ADARB2: variants seen among roughly 807,000 people sequenced by gnomAD.
ADARB2 encodes the protein inactive double-stranded RNA-specific editase B2.
A neutral mutation model predicts 62.2 loss-of-function variants in ADARB2; 25 were observed. The observed-to-expected ratio is 0.40, with a 90% CI of 0.29 to 0.56. The LOEUF is 0.56. Among genes scored for constraint, ADARB2 ranks in the 20% least tolerant of loss-of-function variants. The probability of loss-of-function intolerance (pLI) is 0.43; values close to 1 mark genes in which losing one functional copy is unlikely to be tolerated. For missense variants in ADARB2, 1,071 were observed against 1,077.4 expected, an observed-to-expected ratio of 0.99 and a Z score of 0.08; for synonymous variants, 572 against 500.8, an observed-to-expected ratio of 1.14 and a Z score of -1.90.
chr10:1,680,969 G>T (rs1834528153), intron 1 of ADARB2, among the ~76,000 whole-genome samples: 1 of 152,212 alleles, frequency 6.6e-6, no homozygotes, highest in Non-Finnish European at 1.5e-5. Context: ...GTAGAACACA[G>T]TATTCTCACG....
At chr10:1,543,057 C>A (rs997950763) in intron 1 of ADARB2, among the ~76,000 whole-genome samples, 4 of 152,258 alleles carry the variant, frequency 2.6e-5, no homozygotes, top group African/African-American at 4.8e-5. Flanking sequence ...CCTGTTACAG[C>A]GACGGTGCGG....
intron 4 of ADARB2, among the ~76,000 whole-genome samples, chr10:1,257,909 T>C (rs1831094547): frequency 6.6e-6 from 1 of 152,166 alleles, no homozygotes; most frequent in African/African-American, 2.4e-5. Flanking sequence ...GTGCACACAT[T>C]TGAAAGTCCA....
rs539296308 is a variant in ADARB2 at position 1,717,518 on chromosome 10, TCTTTC to T, written c.100+19528_100+19532del. ...CCTTTCCTTTCTTTCTTTCTCTCTC[TCTTTC>T]CTTTCTTTCCTTCCTTCCTTTCCTT... On this transcript the variant is annotated intron_variant, in intron 1 of 9. Transcript: ENST00000381312. Among the ~76,000 whole-genome samples the T allele has an allele frequency of 2.0e-4, 30 of 148,312 alleles. 1 individual carries two copies. The South Asian group carries it at 6.2e-3, about 31-fold the overall frequency.
intron 1 of ADARB2, among the ~76,000 whole-genome samples, chr10:1,424,980 T>C (rs59067204): frequency 6.6e-6 from 1 of 152,114 alleles, no homozygotes; most frequent in African/African-American, 2.4e-5. Flanking sequence ...AAAGCATTTA[T>C]CAGCTGCATG....
At chr10:1,453,879 T>C (rs1209608372) in intron 1 of ADARB2, among the ~76,000 whole-genome samples, 1 of 152,122 alleles carries the variant, frequency 6.6e-6, no homozygotes, top group Non-Finnish European at 1.5e-5. Context: ...GCACTGATGG[T>C]GGGAATGTAA....
chr10:1,243,759 C>T (rs1397646323), intron 4 of ADARB2, among the ~76,000 whole-genome samples: 2 of 152,226 alleles, frequency 1.3e-5, no homozygotes, highest in African/African-American at 4.8e-5. Context: ...TCCTTCCTTC[C>T]AGGCAAAGCG....
chr10:1,222,792 A>C (rs1339690091), intron 6 of ADARB2, among the ~76,000 whole-genome samples: 3 of 149,860 alleles, frequency 2.0e-5, no homozygotes, highest in African/African-American at 7.6e-5. Context: ...TTTTGGTACC[A>C]GTACCATGCT....
chr10:1,519,007 C>T (rs1223099184), intron 1 of ADARB2, among the ~76,000 whole-genome samples: 6 of 151,684 alleles, frequency 4.0e-5, no homozygotes, highest in African/African-American at 7.3e-5. Flanking sequence ...TTCCATGTAA[C>T]GTCTGCACAT....
At chr10:1,410,533 A>T (rs929610366) in intron 1 of ADARB2, among the ~76,000 whole-genome samples, 1 of 152,240 alleles carries the variant, frequency 6.6e-6, no homozygotes, top group African/African-American at 2.4e-5. Context: ...TGTCAATTAA[A>T]TCTAAAGGCC....
At chr10:1,526,128 A>G (rs1390412268) in intron 1 of ADARB2, among the ~76,000 whole-genome samples, 1 of 152,092 alleles carries the variant, frequency 6.6e-6, no homozygotes, top group Non-Finnish European at 1.5e-5. Flanking sequence ...GCCTTGTTCT[A>G]AGGCAGCAGG....
At chr10:1,435,048 C>CA (rs1017169650) in intron 1 of ADARB2, among the ~76,000 whole-genome samples, 1 of 152,210 alleles carries the variant, frequency 6.6e-6, no homozygotes, top group Non-Finnish European at 1.5e-5. Context: ...TTCAGATCCT[C>CA]AAAAAATTGA....
chr10:1,320,367 GGTCT>G, intron 3 of ADARB2, among the ~76,000 whole-genome samples: 1 of 152,220 alleles, frequency 6.6e-6, no homozygotes, highest in Non-Finnish European at 1.5e-5. Context: ...CCAGATTTAG[GGTCT>G]GGTATCTAGC....
At chr10:1,308,623 G>A (rs1245398439) in intron 3 of ADARB2, among the ~76,000 whole-genome samples, 1 of 152,196 alleles carries the variant, frequency 6.6e-6, no homozygotes, top group Non-Finnish European at 1.5e-5. Context: ...CACCAGCAGC[G>A]ACTGAATTTC....
chr10:1,542,861 G>C, intron 1 of ADARB2, among the ~76,000 whole-genome samples: 12 of 134,026 alleles, frequency 9.0e-5, no homozygotes, highest in African/African-American at 3.3e-4. Context: ...ACCCCACTCA[G>C]ATGTAGTTCA....
rs372114989 is a variant in ADARB2, at chr10:1,553,216, T to C, written c.101-174056A>G. On this transcript the variant is annotated intron_variant, in intron 1 of 9. Transcript: ENST00000381312. ...AAAATGTCACTGTGCTGGTACAATA[T>C]ATGCGGTGATTTCTGTCATAAATTG... Among the ~76,000 whole-genome samples, 6 of 152,378 alleles carry C rather than the reference T, an allele frequency of 3.9e-5. No homozygotes were observed. In the South Asian group the frequency reaches 6.2e-4, roughly 16 times the overall value.
chr10:1,672,386 C>T (rs908884875), intron 1 of ADARB2, among the ~76,000 whole-genome samples: 1 of 152,180 alleles, frequency 6.6e-6, no homozygotes, highest in Non-Finnish European at 1.5e-5. Context: ...TGCTGATTCC[C>T]TCGACATTAC....
At chr10:1,465,144 C>T (rs1232224434) in intron 1 of ADARB2, among the ~76,000 whole-genome samples, 3 of 152,152 alleles carry the variant, frequency 2.0e-5, no homozygotes, top group African/African-American at 4.8e-5. Flanking sequence ...CGACTGAGGA[C>T]GGCTCCGTTT....
chr10:1,225,777 T>A (rs970779672), intron 6 of ADARB2, among the ~76,000 whole-genome samples: 4 of 151,712 alleles, frequency 2.6e-5, no homozygotes, highest in Non-Finnish European at 5.9e-5. Flanking sequence ...TGCCGAGAGA[T>A]CAGCTGTTAG....
rs530840071 is a variant in ADARB2, at chr10:1,472,609, C to T, written c.101-93449G>A. Reference sequence around the variant, plus strand: ...CCTTCAAGAAAGATGGTGGCCATGGCCCAGCAGCCTCCTGGTCTCACAATC... The same window carrying T: ...CCTTCAAGAAAGATGGTGGCCATGGTCCAGCAGCCTCCTGGTCTCACAATC... On this transcript the variant is annotated intron_variant, in intron 1 of 9. Transcript: ENST00000381312. Among the ~76,000 whole-genome samples, 103 of 152,344 alleles carry T rather than the reference C, an allele frequency of 6.8e-4. 1 individual carries two copies. The highest frequency in any genetic ancestry group is 2.4e-3 in the African/African-American group (101 of 41,572).
Sources: gnomAD v4.1 joint callset for allele counts (sites outside exome capture counted in the v4.1 genomes callset) on GRCh38, gnomAD v4.1.1 for gene constraint, MANE v1.5 for transcripts, NCBI Gene and HGNC (gene_info 2026-07-23, HGNC 2026-07-21) for gene names.